COLGALT2: variants seen among roughly 807,000 people sequenced by gnomAD.
The protein encoded by COLGALT2 is collagen beta(1-O)galactosyltransferase 2, also known as procollagen galactosyltransferase 2.
A neutral mutation model predicts 73.4 loss-of-function variants in COLGALT2; 49 were observed. The ratio of observed to expected loss-of-function variants is 0.67; its 90% CI spans 0.53 to 0.85. The LOEUF is 0.85. Among genes scored for constraint, COLGALT2 ranks in the 40% least tolerant of loss-of-function variants. The probability of loss-of-function intolerance (pLI) is 0.00; values close to 1 mark genes in which losing one functional copy is unlikely to be tolerated. For synonymous variants in COLGALT2, 295 were observed against 307.6 expected, an observed-to-expected ratio of 0.96 and a Z score of 0.43; for missense variants, 722 against 790.2, an observed-to-expected ratio of 0.91 and a Z score of 1.03.
At chr1:184,003,568 A>G (rs139117656) in intron 1 of COLGALT2, among the ~76,000 whole-genome samples, 216 of 152,326 alleles carry the variant, frequency 1.4e-3, no homozygotes, top group Non-Finnish European at 2.7e-3. Flanking sequence ...CATGGAACCT[A>G]TAAGGTTCCA....
At chr1:184,017,914 T>G (rs1460294160) in intron 1 of COLGALT2, among the ~76,000 whole-genome samples, 1 of 152,184 alleles carries the variant, frequency 6.6e-6, no homozygotes, top group Non-Finnish European at 1.5e-5. Flanking sequence ...TGTTGTGAGC[T>G]CGGAATGAGT....
downstream of COLGALT2, among the ~76,000 whole-genome samples, chr1:183,932,149 A>C (rs1669861486): frequency 6.6e-6 from 1 of 152,098 alleles, no homozygotes; most frequent in Non-Finnish European, 1.5e-5. Context: ...TAAAACATTA[A>C]ATTTTACTGA....
At position 183,973,146 on chromosome 1, in the gene COLGALT2, G is replaced by T. The variant is rs191443814; in HGVS notation, c.627+470C>A. Among the ~76,000 whole-genome samples the T allele has an allele frequency of 2.5e-3, 381 of 152,236 alleles. 1 individual carries two copies. The highest frequency in any genetic ancestry group is 8.6e-3 in the African/African-American group (356 of 41,532). On this transcript the variant is annotated intron_variant, in intron 4 of 11. Transcript: ENST00000361927. ...AAATGTTTTTCAAACCGAGATAAAGGTTAAGTAAATTGGAACATAGCCACT... is the reference window on the plus strand; with the variant it reads ...AAATGTTTTTCAAACCGAGATAAAGTTTAAGTAAATTGGAACATAGCCACT...
chr1:183,985,612 C>T (rs1414803967), intron 1 of COLGALT2, among the ~76,000 whole-genome samples: 1 of 152,200 alleles, frequency 6.6e-6, no homozygotes, highest in Non-Finnish European at 1.5e-5. Context: ...TGTACTGAGA[C>T]TCAGGGAATG....
intron 6 of COLGALT2, among the ~76,000 whole-genome samples, chr1:183,961,831 C>T (rs150876039): frequency 2.2e-4 from 34 of 152,190 alleles, no homozygotes; most frequent in African/African-American, 8.2e-4. Context: ...TCCTTTAGGG[C>T]CTAGAACATA....
chr1:183,971,744 G>A (rs924017068), intron 4 of COLGALT2, among the ~76,000 whole-genome samples: 1 of 152,208 alleles, frequency 6.6e-6, no homozygotes, highest in African/African-American at 2.4e-5. Flanking sequence ...TAAATTTTCA[G>A]AAAGTTTGCA....
chr1:183,987,380 C>T (rs2102827101), intron 1 of COLGALT2, among the ~76,000 whole-genome samples: 1 of 152,258 alleles, frequency 6.6e-6, no homozygotes, highest in Non-Finnish European at 1.5e-5. Context: ...TTAAATGTAG[C>T]ACTGGTACTA....
intron 6 of COLGALT2, among the ~76,000 whole-genome samples, chr1:183,955,338 T>C (rs967298988): frequency 6.6e-6 from 1 of 152,224 alleles, no homozygotes; most frequent in Admixed American, 6.5e-5. Flanking sequence ...CTATGGCCCA[T>C]GATGAAAGAG....
intron 1 of COLGALT2, among the ~76,000 whole-genome samples, chr1:183,997,571 T>C (rs1671803702): frequency 6.6e-6 from 1 of 152,178 alleles, no homozygotes. Flanking sequence ...TGATGAGCTA[T>C]AAAAAAATTG....
intron 11 of COLGALT2, 64 bp from the exon 12 acceptor site, chr1:183,939,101 A>T: frequency 7.8e-7 from 1 of 1,278,688 alleles, no homozygotes; most frequent in Non-Finnish European, 1.1e-6. Flanking sequence ...AACAGGGACA[A>T]AGAGTGAAGG....
At chr1:183,984,095 G>T (rs1239218711) in intron 1 of COLGALT2, among the ~76,000 whole-genome samples, 1 of 152,164 alleles carries the variant, frequency 6.6e-6, no homozygotes, top group Non-Finnish European at 1.5e-5. Context: ...CTCTTCCCCA[G>T]ATCTCTGACT....
intron 10 of COLGALT2, among the ~76,000 whole-genome samples, chr1:183,942,211 G>A (rs1042562837): frequency 1.3e-5 from 2 of 152,072 alleles, no homozygotes; most frequent in African/African-American, 2.4e-5. Flanking sequence ...GCCTCCCAAA[G>A]TGCTGGGATT....
chr1:184,013,005 T>C (rs1648860428), intron 1 of COLGALT2, among the ~76,000 whole-genome samples: 1 of 152,104 alleles, frequency 6.6e-6, no homozygotes, highest in African/African-American at 2.4e-5. Flanking sequence ...TAAACATAAT[T>C]AAGAATAGTT....
chr1:183,935,818 A>G (rs1011063550), downstream of COLGALT2: 2 of 982,724 alleles, frequency 2.0e-6, no homozygotes, highest in African/African-American at 3.5e-5. Flanking sequence ...CTGCGGAAGC[A>G]ATTGACAATC....
chr1:183,969,254 A>C lies in COLGALT2; in HGVS notation c.832+15T>G, dbSNP rs1348345144. 1 of 1,601,896 alleles carries C rather than the reference A, an allele frequency of 6.2e-7. No individual in the cohort carries two copies. Among genetic ancestry groups the C allele is most frequent in the African/African-American group, 1.3e-5 (1 of 74,634 alleles). ...GTGTCTCCATTGTGGCACTACAACC[A>C]AAGACAAACAGTACCTGCTTGCCTG... On this transcript the variant is annotated intron_variant, in intron 5 of 11. Transcript: ENST00000361927.
chr1:183,936,487 G>A lies in COLGALT2; in HGVS notation c.*2274C>T. 1.0e-6 allele frequency: 1 copy of A among 998,718 alleles called. No individual in the cohort carries two copies. Among genetic ancestry groups the A allele is most frequent in the Middle Eastern group, 5.0e-4 (1 of 1,990 alleles). The allele number at this position is 998,718 out of a possible 1,614,324, so 61.9% of individuals were successfully genotyped here. On this transcript the variant is annotated 3_prime_UTR_variant, in exon 12 of 12. Transcript: ENST00000361927. Reference sequence around the variant, plus strand: ...AGTCCAAAGTCTTTTAAGAATGAGAGTTCTTAAATCTGTCAGACCAGCTGA... The same window carrying A: ...AGTCCAAAGTCTTTTAAGAATGAGAATTCTTAAATCTGTCAGACCAGCTGA...
chr1:184,002,674 T>G (rs1671964382), intron 1 of COLGALT2, among the ~76,000 whole-genome samples: 2 of 152,242 alleles, frequency 1.3e-5, no homozygotes, highest in African/African-American at 4.8e-5. Flanking sequence ...CTTAGTCCTA[T>G]TCTAGTTTGG....
chr1:184,008,824 C>T (rs1672159692), intron 1 of COLGALT2, among the ~76,000 whole-genome samples: 1 of 152,030 alleles, frequency 6.6e-6, no homozygotes, highest in East Asian at 1.9e-4. Context: ...GAAAAATACA[C>T]TGAAGTATTT....
chr1:183,986,400 C>T (rs1671489974), intron 1 of COLGALT2, among the ~76,000 whole-genome samples: 1 of 152,208 alleles, frequency 6.6e-6, no homozygotes, highest in Admixed American at 6.5e-5. Context: ...AACATCCCTC[C>T]TCAGTATGCC....
Sources: gnomAD v4.1 joint callset for allele counts (sites outside exome capture counted in the v4.1 genomes callset) on GRCh38, gnomAD v4.1.1 for gene constraint, MANE v1.5 for transcripts, NCBI Gene and HGNC (gene_info 2026-07-23, HGNC 2026-07-21) for gene names.